Variants in ATRN observed in about 807,000 individuals in gnomAD.
ATRN encodes the protein attractin, also known as attractin-2.
Under a neutral mutation model 178.7 loss-of-function variants are expected in ATRN, and 54 were observed. The observed-to-expected ratio is 0.30, with a 90% CI of 0.24 to 0.38. The LOEUF is 0.38. Among genes scored for constraint, ATRN ranks in the 10% least tolerant of loss-of-function variants. ATRN has a pLI of 1.00. For synonymous variants in ATRN, 636 were observed against 663.0 expected, an observed-to-expected ratio of 0.96 and a Z score of 0.63; for missense variants, 1,443 against 1,815.1, an observed-to-expected ratio of 0.79 and a Z score of 3.73.
chr20:3,511,011 A>G (rs2085119141), intron 1 of ATRN, among the ~76,000 whole-genome samples: 1 of 152,222 alleles, frequency 6.6e-6, no homozygotes, highest in Non-Finnish European at 1.5e-5. Context: ...CTAAATATTC[A>G]TGAATCAAAG....
chr20:3,472,000 A>G (rs991246717), intron 1 of ATRN, among the ~76,000 whole-genome samples: 1 of 152,150 alleles, frequency 6.6e-6, no homozygotes, highest in African/African-American at 2.4e-5. Flanking sequence ...GGCTGGAGAT[A>G]AAAGGGAAAG....
chr20:3,511,522 T>C (rs2085127657), intron 1 of ATRN, among the ~76,000 whole-genome samples: 1 of 152,018 alleles, frequency 6.6e-6, no homozygotes, highest in African/African-American at 2.4e-5. Flanking sequence ...TAAATACTCA[T>C]AGGAGGTCGA....
chr20:3,649,514 T>C lies in ATRN; in HGVS notation c.*2667T>C, dbSNP rs907244958. The C allele has an allele frequency of 6.6e-6, 1 of 152,254 alleles. No individual in the cohort carries two copies. The highest frequency in any genetic ancestry group is 1.5e-5 in the Non-Finnish European group (1 of 68,048). The allele number at this position is 152,254 out of a possible 1,614,324, so 9.4% of individuals were successfully genotyped here. ...ATCCCCATTGTGTGATGTGTTCAGA[T>C]GCATCTGGCACCAATTAGGTATTTC... On this transcript the variant is annotated 3_prime_UTR_variant, in exon 29 of 29. Coordinates refer to ENST00000262919, the MANE Select transcript of ATRN (RefSeq NM_139321.3).
intron 1 of ATRN, among the ~76,000 whole-genome samples, chr20:3,504,970 A>G (rs2085021147): frequency 6.6e-6 from 1 of 152,136 alleles, no homozygotes; most frequent in Non-Finnish European, 1.5e-5. Context: ...AACTATACAA[A>G]AAGATAAACT....
chr20:3,584,785 A>C lies in ATRN; in HGVS notation c.3089A>C (p.Gln1030Pro), dbSNP rs1436628396. 3.7e-6 allele frequency: 6 copies of C among 1,614,096 alleles called. No homozygotes were observed. Among genetic ancestry groups the C allele is most frequent in the Non-Finnish European group, 5.1e-6 (6 of 1,180,042 alleles). ...SYKGPVKMPS[Q>P]APTGNFYPQP... is the part of the protein sequence containing the mutation. Reference sequence around the variant, plus strand: ...AAAGGACCAGTGAAGATGCCTTCGCAAGCCCCTACAGGAAATTTCTATCCA... The same window carrying C: ...AAAGGACCAGTGAAGATGCCTTCGCCAGCCCCTACAGGAAATTTCTATCCA... Residue 1030 changes from glutamine to proline, a missense_variant, in exon 18 of 29, where the codon CAA (glutamine) becomes CCA (proline). By Grantham distance (76) the Gln-to-Pro change is moderately conservative. Around this residue, in one of 4 missense-constraint regions of ATRN, gnomAD observed 80 missense variants for 71.5 expected, o/e 1.12. Coordinates refer to ENST00000262919, the MANE Select transcript of ATRN (RefSeq NM_139321.3).
intron 27 of ATRN, among the ~76,000 whole-genome samples, chr20:3,639,356 G>A (rs1214269564): frequency 6.6e-6 from 1 of 152,058 alleles, no homozygotes. Context: ...GGGTTCAAGC[G>A]ATTCTCTTGC....
At position 3,584,089 on chromosome 20, in the gene ATRN, TGAAAAAGGGA is replaced by T. The variant is rs764169385; in HGVS notation, c.2950+8_2950+17del. Reference sequence around the variant, plus strand: ...TACGATGAGCACCTGCCCCCGTAAGTGAAAAAGGGAGCCCTAGGCACTTATGCATGCCCTC... The same window carrying T: ...TACGATGAGCACCTGCCCCCGTAAGTGCCCTAGGCACTTATGCATGCCCTC... On this transcript the variant is annotated splice_region_variant and intron_variant, in intron 17 of 28. Transcript: ENST00000262919. 3.9e-5 allele frequency: 63 copies of T among 1,612,420 alleles called. No homozygotes were observed. The highest frequency in any genetic ancestry group is 5.3e-5 in the Non-Finnish European group (63 of 1,178,974).
chr20:3,621,548 T>A (rs937307123), intron 24 of ATRN, among the ~76,000 whole-genome samples: 2 of 152,176 alleles, frequency 1.3e-5, no homozygotes, highest in East Asian at 3.9e-4. Context: ...TTTCTTGGAG[T>A]GTGGAGTATG....
At chr20:3,569,132 A>G (rs1472010474) in intron 11 of ATRN, among the ~76,000 whole-genome samples, 3 of 152,240 alleles carry the variant, frequency 2.0e-5, no homozygotes, top group Non-Finnish European at 4.4e-5. Context: ...AATAGATTTT[A>G]TAAGTACGTG....
intron 12 of ATRN, among the ~76,000 whole-genome samples, chr20:3,575,561 A>G (rs2086197558): frequency 6.6e-6 from 1 of 152,090 alleles, no homozygotes; most frequent in Non-Finnish European, 1.5e-5. Context: ...GCCAGAATTT[A>G]CTTTCATTAT....
At chr20:3,640,328 C>T (rs2087058394) in intron 27 of ATRN, among the ~76,000 whole-genome samples, 1 of 151,904 alleles carries the variant, frequency 6.6e-6, no homozygotes, top group African/African-American at 2.4e-5. Context: ...CTCAGAGAGA[C>T]AAGGAGATAG....
chr20:3,565,583 T>G (rs2086022019), intron 11 of ATRN, 151 bp downstream of exon 11: 1 of 650,568 alleles, frequency 1.5e-6, no homozygotes. Flanking sequence ...CTGGCCAACA[T>G]GGTAAAGACC....
chr20:3,568,283 C>T (rs1363824413), intron 11 of ATRN, among the ~76,000 whole-genome samples: 1 of 147,982 alleles, frequency 6.8e-6, no homozygotes, highest in East Asian at 2.0e-4. Flanking sequence ...CAGAGCGAGA[C>T]TGTGTCAAAA....
At chr20:3,532,907 C>T (rs574119896) in intron 1 of ATRN, among the ~76,000 whole-genome samples, 5 of 152,246 alleles carry the variant, frequency 3.3e-5, no homozygotes, top group Middle Eastern at 3.4e-3. Context: ...GGACTACAGG[C>T]GCCCACCACC....
intron 1 of ATRN, among the ~76,000 whole-genome samples, chr20:3,495,803 G>T (rs1459558340): frequency 3.3e-5 from 5 of 151,902 alleles, no homozygotes; most frequent in African/African-American, 1.2e-4. Context: ...CAGAACAGTG[G>T]TATTGTACAC....
chr20:3,555,292 C>T (rs1490240211), intron 6 of ATRN, among the ~76,000 whole-genome samples: 1 of 151,920 alleles, frequency 6.6e-6, no homozygotes, highest in African/African-American at 2.4e-5. Context: ...CGTGAGCCAC[C>T]GCGCCCGGCC....
intron 25 of ATRN, among the ~76,000 whole-genome samples, chr20:3,627,560 C>T (rs191411310): frequency 6.6e-6 from 1 of 152,152 alleles, no homozygotes; most frequent in East Asian, 1.9e-4. Context: ...TTGACAAACC[C>T]CTGGCAAGAT....
intron 25 of ATRN, among the ~76,000 whole-genome samples, chr20:3,626,873 G>A (rs1428652946): frequency 2.1e-5 from 3 of 140,576 alleles, no homozygotes; most frequent in Admixed American, 7.7e-5. Flanking sequence ...AGCAACCGCC[G>A]CCTCCCGGGT....
In ATRN at chr20:3,647,443, T is replaced by G. The variant is rs1275482966; in HGVS notation, c.*596T>G. On this transcript the variant is annotated 3_prime_UTR_variant, in exon 29 of 29. Coordinates refer to ENST00000262919, the MANE Select transcript of ATRN (RefSeq NM_139321.3). Reference sequence around the variant, plus strand: ...CAAGCTAGGATAGAAGGGGGGCTATTTTAAATGTCAAGGTCAGCAGTGTTA... The same window carrying G: ...CAAGCTAGGATAGAAGGGGGGCTATGTTAAATGTCAAGGTCAGCAGTGTTA... The G allele has an allele frequency of 6.6e-6, 1 of 152,666 alleles. No individual in the cohort carries two copies. Among genetic ancestry groups the G allele is most frequent in the Non-Finnish European group, 1.5e-5 (1 of 68,054 alleles). 9.5% of individuals were successfully genotyped at this position (152,666 alleles called of 1,614,324 possible). A position where few individuals can be genotyped will look rare whatever the true frequency, so the allele number is the denominator to read the frequency against.
Sources: gnomAD v4.1 joint callset for allele counts (sites outside exome capture counted in the v4.1 genomes callset) on GRCh38, gnomAD v4.1.1 for gene constraint, gnomAD v4.1.1 regional missense constraint, MANE v1.5 for transcripts, NCBI Gene and HGNC (gene_info 2026-07-23, HGNC 2026-07-21) for gene names.